Variants in KHDRBS2 observed in about 807,000 individuals in gnomAD.
KHDRBS2 encodes KH domain-containing, RNA-binding, signal transduction-associated protein 2.
KHDRBS2 carries 26 observed loss-of-function variants against 44.3 expected under a neutral mutation model. That is an observed-to-expected ratio of 0.59 (90% CI 0.43 to 0.81). KHDRBS2 has a LOEUF of 0.81. KHDRBS2 is among the 40% of genes least tolerant of loss of function. The pLI, the probability that KHDRBS2 is intolerant of heterozygous loss-of-function variation, is 0.00. For synonymous variants in KHDRBS2, 194 were observed against 151.1 expected, an observed-to-expected ratio of 1.28 and a Z score of -2.08; for missense variants, 476 against 433.1, an observed-to-expected ratio of 1.10 and a Z score of -0.88.
chr6:61,736,453 T>C (rs1053894068), intron 6 of KHDRBS2, among the ~76,000 whole-genome samples: 1 of 152,060 alleles, frequency 6.6e-6, no homozygotes, highest in Admixed American at 6.6e-5. Flanking sequence ...CCACAGGTGC[T>C]CCAAGGGGTG....
intron 2 of KHDRBS2, among the ~76,000 whole-genome samples, chr6:62,078,028 C>T (rs537995995): frequency 6.6e-6 from 1 of 152,194 alleles, no homozygotes; most frequent in East Asian, 1.9e-4. Flanking sequence ...AGCATCATTA[C>T]AATGGCATTT....
chr6:61,835,711 G>A (rs745919791), intron 6 of KHDRBS2, among the ~76,000 whole-genome samples: 309 of 20,100 alleles, frequency 0.015, 2 homozygotes, highest in Non-Finnish European at 0.023. Flanking sequence ...TGATGTGTGC[G>A]TGTGTGTGTG....
chr6:61,957,429 T>C (rs547455277), intron 4 of KHDRBS2, among the ~76,000 whole-genome samples: 1 of 152,324 alleles, frequency 6.6e-6, no homozygotes, highest in Admixed American at 6.5e-5. Context: ...GAAATATTGC[T>C]GAATTCTTTT....
At chr6:62,060,392 C>T (rs1176679404) in intron 2 of KHDRBS2, among the ~76,000 whole-genome samples, 4 of 151,590 alleles carry the variant, frequency 2.6e-5, no homozygotes, top group Non-Finnish European at 1.5e-5. Context: ...GATTGGAAGA[C>T]TACACAAAGA....
In KHDRBS2 at chr6:62,030,531, GA is replaced by G. The variant is rs575295665; in HGVS notation, c.336+17346del. ...TGGTACCTTCATTTAGGGTACTCCT[GA>G]AAAAAAATATTTTCCAAATCTTAAT... On this transcript the variant is annotated intron_variant, in intron 3 of 8. Transcript: ENST00000281156. Among the ~76,000 whole-genome samples, 12 of 151,600 alleles carry G rather than the reference GA, an allele frequency of 7.9e-5. No homozygotes were observed. In the East Asian group the frequency reaches 1.4e-3, roughly 17 times the overall value.
At chr6:62,036,266 A>T (rs1332310291) in intron 3 of KHDRBS2, among the ~76,000 whole-genome samples, 2 of 151,992 alleles carry the variant, frequency 1.3e-5, no homozygotes, top group Non-Finnish European at 2.9e-5. Context: ...GTCATATCTA[A>T]ACCACTCAAC....
chr6:61,854,342 A>G (rs1231755237), intron 6 of KHDRBS2, among the ~76,000 whole-genome samples: 1 of 152,094 alleles, frequency 6.6e-6, no homozygotes, highest in Non-Finnish European at 1.5e-5. Flanking sequence ...TTTGCTCATA[A>G]TAGAGCAAAA....
chr6:61,890,962 C>A (rs1451327524), intron 6 of KHDRBS2, among the ~76,000 whole-genome samples: 1 of 152,138 alleles, frequency 6.6e-6, no homozygotes, highest in Non-Finnish European at 1.5e-5. Context: ...TAACATTATT[C>A]CTAAAAGGAA....
At chr6:62,159,162 T>G (rs1455134117) in intron 2 of KHDRBS2, among the ~76,000 whole-genome samples, 1 of 152,164 alleles carries the variant, frequency 6.6e-6, no homozygotes. Flanking sequence ...TTAGTAAAAA[T>G]GGATAGTTAA....
At chr6:62,142,901 C>T (rs917296514) in intron 2 of KHDRBS2, among the ~76,000 whole-genome samples, 1 of 146,478 alleles carries the variant, frequency 6.8e-6, no homozygotes, top group Non-Finnish European at 1.5e-5. Flanking sequence ...ACTGAATTGA[C>T]TTGATTTGTG....
chr6:62,162,268 T>C (rs574178782), intron 2 of KHDRBS2, among the ~76,000 whole-genome samples: 1 of 152,208 alleles, frequency 6.6e-6, no homozygotes, highest in East Asian at 1.9e-4. Context: ...AAGGAAGGTC[T>C]AGTGGCAATG....
intron 6 of KHDRBS2, among the ~76,000 whole-genome samples, chr6:61,764,344 C>G (rs144047459): frequency 6.6e-6 from 1 of 152,086 alleles, no homozygotes; most frequent in Non-Finnish European, 1.5e-5. Flanking sequence ...TGGGTATATA[C>G]CCAGTAATGG....
chr6:61,644,494 G>A, the KHDRBS2 span, among the ~76,000 whole-genome samples: 1 of 152,214 alleles, frequency 6.6e-6, no homozygotes, highest in South Asian at 2.1e-4. Context: ...TACAGCAAAA[G>A]AAACTATCAA....
At chr6:62,251,068 G>GT (rs1466153349) in intron 1 of KHDRBS2, among the ~76,000 whole-genome samples, 5 of 151,884 alleles carry the variant, frequency 3.3e-5, no homozygotes, top group Non-Finnish European at 7.4e-5. Context: ...CTGTAGCTAT[G>GT]TAAGTGAATA....
chr6:61,902,068 A>G (rs1018592862), intron 4 of KHDRBS2, among the ~76,000 whole-genome samples: 6 of 152,010 alleles, frequency 3.9e-5, no homozygotes, highest in Non-Finnish European at 7.4e-5. Context: ...CAATTCTCCT[A>G]TCTCAGCCTC....
chr6:61,589,775 T>G, the KHDRBS2 span, among the ~76,000 whole-genome samples: 1 of 152,196 alleles, frequency 6.6e-6, no homozygotes. Flanking sequence ...TGTTTGTGGA[T>G]GTTGGAAAAT....
chr6:62,131,054 C>T (rs190411207), intron 2 of KHDRBS2, among the ~76,000 whole-genome samples: 148 of 151,916 alleles, frequency 9.7e-4, no homozygotes, highest in Admixed American at 1.9e-3. Context: ...TTAAGAAAAA[C>T]CTGGGCTATT....
intron 6 of KHDRBS2, among the ~76,000 whole-genome samples, chr6:61,848,532 C>CAT (rs1554236783): frequency 0.042 from 1,190 of 28,160 alleles, 142 homozygotes; most frequent in Non-Finnish European, 0.056. Context: ...TATATATATA[C>CAT]ATATATATGT....
At chr6:62,012,940 A>G (rs532194029) in intron 3 of KHDRBS2, among the ~76,000 whole-genome samples, 35 of 152,190 alleles carry the variant, frequency 2.3e-4, no homozygotes, top group Non-Finnish European at 4.0e-4. Context: ...TGTCTTGTTC[A>G]GGCAATATCT....
Sources: allele counts gnomAD v4.1 joint callset (sites outside exome capture counted in the v4.1 genomes callset), GRCh38; gene constraint gnomAD v4.1.1; transcripts MANE v1.5; gene names NCBI Gene and HGNC (gene_info 2026-07-23, HGNC 2026-07-21).